The following ZNF462 variants were observed in gnomAD, a reference collection of about 807,000 sequenced individuals.
ZNF462 encodes zinc finger PBX1-interacting protein.
ZNF462 carries 10 observed loss-of-function variants against 201.9 expected under a neutral mutation model. The observed-to-expected ratio is 0.05, with a 90% CI of 0.03 to 0.08. The LOEUF (loss-of-function observed/expected upper bound fraction) is 0.08. ZNF462 is among the 10% of genes least tolerant of loss of function. The pLI is 1.00. For missense variants in ZNF462, 2,523 were observed against 3,168.3 expected (o/e 0.80, Z 4.89); for synonymous variants, 1,227 against 1,193.3 (o/e 1.03, Z -0.58).
In ZNF462 at chr9:106,925,619, G is replaced by A; in HGVS notation, c.1707G>A (p.Gln569=). Reference sequence around the variant, plus strand: ...AGCAGCCACAGCCACCACAGCTGCAGCCACCACATCAGGTGCCACCCCAGC... The same window carrying A: ...AGCAGCCACAGCCACCACAGCTGCAACCACCACATCAGGTGCCACCCCAGC... ...PLQQPQPPQL[Q]PPHQVPPQPQ... Residue 569 remains glutamine (Q), a synonymous_variant, in exon 3 of 13, where the codon CAG becomes CAA. Coordinates refer to ENST00000277225, the MANE Select transcript of ZNF462 (RefSeq NM_021224.6). This position sits in a 1 kb window ranked among gnomAD's most constrained non-coding sequence, Gnocchi z 7.9. 6.2e-7 allele frequency: 1 copy of A among 1,613,254 alleles called. No homozygotes were observed. The highest frequency in any genetic ancestry group is 1.7e-5 in the Admixed American group (1 of 59,952).
At chr9:106,994,997 T>C (rs932328797) in intron 10 of ZNF462, among the ~76,000 whole-genome samples, 1 of 152,188 alleles carries the variant, frequency 6.6e-6, no homozygotes, top group African/African-American at 2.4e-5. Flanking sequence ...AATCAACTTT[T>C]CAAATATGAA....
chr9:106,897,081 C>T lies in ZNF462; in HGVS notation c.-30-26273C>T, dbSNP rs183006915. Reference sequence around the variant, plus strand: ...CAAAAATTCCAACTTGTGAAACCCACATACTAATAAAAATCACACAAACAT... The same window carrying T: ...CAAAAATTCCAACTTGTGAAACCCATATACTAATAAAAATCACACAAACAT... On this transcript the variant is annotated intron_variant, in intron 1 of 12. Transcript: ENST00000277225. 3.9e-5 allele frequency among the ~76,000 whole-genome samples: 6 copies of T among 152,308 alleles called. No homozygotes were observed. The East Asian group carries it at 9.7e-4, about 25-fold the overall frequency.
rs1826708057 is a variant in ZNF462 at position 106,972,986 on chromosome 9, G to T, written c.6695+714G>T. ...GAGCCTGACTACCTGGGTGATTCTGGACAAGTCACTAAGACACTATCTGTG... is the reference window on the plus strand; with the variant it reads ...GAGCCTGACTACCTGGGTGATTCTGTACAAGTCACTAAGACACTATCTGTG... On this transcript the variant is annotated intron_variant, in intron 8 of 12. Coordinates refer to ENST00000277225, the MANE Select transcript of ZNF462 (RefSeq NM_021224.6). The surrounding 1 kb of genome is among the most constrained non-coding windows in gnomAD (Gnocchi z 4.8). Among the ~76,000 whole-genome samples the T allele has an allele frequency of 6.6e-6, 1 of 152,076 alleles. No homozygotes were observed. The highest frequency in any genetic ancestry group is 1.9e-4 in the East Asian group (1 of 5,182).
Position 106,876,518 on chromosome 9 carries a change from CTA to C in ZNF462, c.-31+13164_-31+13165del. 6.6e-6 allele frequency among the ~76,000 whole-genome samples: 1 copy of C among 152,330 alleles called. No homozygotes were observed. The highest frequency in any genetic ancestry group is 1.9e-4 in the East Asian group (1 of 5,178). On this transcript the variant is annotated intron_variant, in intron 1 of 12. Coordinates refer to ENST00000277225, the MANE Select transcript of ZNF462 (RefSeq NM_021224.6). This position sits in a 1 kb window ranked among gnomAD's most constrained non-coding sequence, Gnocchi z 4.9. ...CTTTGCTGCAGTTGTCCATTCCCAG[CTA>C]GACTTTATTACATCTTCAACTGATG...
chr9:106,961,017 A>T (rs186670022), intron 7 of ZNF462, among the ~76,000 whole-genome samples: 1 of 152,168 alleles, frequency 6.6e-6, no homozygotes, highest in East Asian at 1.9e-4. Context: ...ATAGTTCTAA[A>T]CACCTGAAGG....
At position 106,932,651 on chromosome 9, in the gene ZNF462, C is replaced by T; in HGVS notation, c.6116+102C>T. 1 of 1,439,914 alleles carries T rather than the reference C, an allele frequency of 6.9e-7. No individual in the cohort carries two copies. The highest frequency in any genetic ancestry group is 9.6e-7 in the Non-Finnish European group (1 of 1,044,504). 89.2% of individuals were successfully genotyped at this position (1,439,914 alleles called of 1,614,324 possible). A position where few individuals can be genotyped will look rare whatever the true frequency, so the allele number is the denominator to read the frequency against. ...CTTGGATGAGTAAGAAGGCCCCACTCATGGTTCACACCTGCTGCTATGTTA... is the reference window on the plus strand; with the variant it reads ...CTTGGATGAGTAAGAAGGCCCCACTTATGGTTCACACCTGCTGCTATGTTA... On this transcript the variant is annotated intron_variant, in intron 5 of 12. Transcript: ENST00000277225. The surrounding 1 kb of genome is among the most constrained non-coding windows in gnomAD (Gnocchi z 6.8).
rs1826888012 is a variant in ZNF462 at position 106,974,954 on chromosome 9, T to A, written c.6832+681T>A. 6.6e-6 allele frequency: 1 copy of A among 152,240 alleles called. No homozygotes were observed. Among genetic ancestry groups the A allele is most frequent in the Non-Finnish European group, 1.5e-5 (1 of 68,082 alleles). 9.4% of individuals were successfully genotyped at this position (152,240 alleles called of 1,614,324 possible). ...GGATGCATAATGACTGCTCAATAAA[T>A]GTTGGTTCCTGCTGATAAACAGTGA... On this transcript the variant is annotated intron_variant, in intron 9 of 12. Transcript: ENST00000277225. The surrounding 1 kb of genome is among the most constrained non-coding windows in gnomAD (Gnocchi z 4.0).
intron 1 of ZNF462, among the ~76,000 whole-genome samples, chr9:106,916,349 G>A (rs539595831): frequency 3.0e-4 from 46 of 152,342 alleles, no homozygotes; most frequent in African/African-American, 1.0e-3. Flanking sequence ...CTTTCATGAT[G>A]TGGAAGATGA....
chr9:106,951,229 G>A (rs2131774697), intron 7 of ZNF462, among the ~76,000 whole-genome samples: 1 of 152,192 alleles, frequency 6.6e-6, no homozygotes, highest in African/African-American at 2.4e-5. Context: ...TTAACAAAAA[G>A]GTACATAGTA....
rs762571662 is a variant in ZNF462 at position 106,974,313 on chromosome 9, G to C, written c.6832+40G>C. On this transcript the variant is annotated intron_variant, in intron 9 of 12. Transcript: ENST00000277225. The surrounding 1 kb of genome is among the most constrained non-coding windows in gnomAD (Gnocchi z 4.0). ...TTGGTTTTCTTGGATGCAGCGGGGG[G>C]CAGGCAGCAGAGATGGCCTTCTAGG... 1 of 1,613,832 alleles carries C rather than the reference G, an allele frequency of 6.2e-7. No individual in the cohort carries two copies. Among genetic ancestry groups the C allele is most frequent in the Admixed American group, 1.7e-5 (1 of 60,028 alleles).
chr9:106,967,127 T>G (rs945353776), intron 7 of ZNF462, among the ~76,000 whole-genome samples: 12 of 152,264 alleles, frequency 7.9e-5, no homozygotes, highest in South Asian at 6.2e-4. Flanking sequence ...TTTGTTCTCT[T>G]TGCCTCTTTT....
At chr9:106,922,269 G>A (rs1033717716) in intron 1 of ZNF462, among the ~76,000 whole-genome samples, 4 of 152,164 alleles carry the variant, frequency 2.6e-5, no homozygotes, top group Admixed American at 2.0e-4. Context: ...TAATAACAGG[G>A]TATCTCAACT....
chr9:106,968,854 T>C lies in ZNF462; in HGVS notation c.6428-3151T>C, dbSNP rs1381281682. ...AGTCTTAATGATGATTTTTAACTTATGTGACATGCCCTTCGCAGCTAACAA... is the reference window on the plus strand; with the variant it reads ...AGTCTTAATGATGATTTTTAACTTACGTGACATGCCCTTCGCAGCTAACAA... On this transcript the variant is annotated intron_variant, in intron 7 of 12. Transcript: ENST00000277225. This position sits in a 1 kb window ranked among gnomAD's most constrained non-coding sequence, Gnocchi z 4.0. Among the ~76,000 whole-genome samples the C allele has an allele frequency of 1.3e-5, 2 of 152,214 alleles. No individual in the cohort carries two copies. Among genetic ancestry groups the C allele is most frequent in the African/African-American group, 2.4e-5 (1 of 41,452 alleles).
chr9:106,891,680 A>G (rs546233169), intron 1 of ZNF462, among the ~76,000 whole-genome samples: 8 of 152,270 alleles, frequency 5.3e-5, no homozygotes, highest in South Asian at 2.1e-4. Flanking sequence ...CACTTTTGCA[A>G]GTTCTTCCCC....
Position 106,919,739 on chromosome 9 carries a change from C to T in ZNF462, c.-30-3615C>T, listed in dbSNP as rs948658754. Among the ~76,000 whole-genome samples the T allele has an allele frequency of 1.3e-5, 2 of 152,110 alleles. No individual in the cohort carries two copies. The highest frequency in any genetic ancestry group is 2.9e-5 in the Non-Finnish European group (2 of 68,004). ...TAGGAGGACCAGTCACATTAGGTGC[C>T]AGTTATTTTAGAATGAATCTGTGTT... On this transcript the variant is annotated intron_variant, in intron 1 of 12. Transcript: ENST00000277225. The surrounding 1 kb of genome is among the most constrained non-coding windows in gnomAD (Gnocchi z 4.5).
At chr9:106,873,117 T>G (rs1234899719) in intron 1 of ZNF462, among the ~76,000 whole-genome samples, 1 of 152,148 alleles carries the variant, frequency 6.6e-6, no homozygotes, top group Non-Finnish European at 1.5e-5. Flanking sequence ...TTCTTGATGG[T>G]TTATCTCTTC....
rs1826693469 is a variant in ZNF462 at position 106,972,754 on chromosome 9, T to A, written c.6695+482T>A. On this transcript the variant is annotated intron_variant, in intron 8 of 12. Transcript: ENST00000277225. The surrounding 1 kb of genome is among the most constrained non-coding windows in gnomAD (Gnocchi z 4.8). ...ACATAGAGAATCAAGACCCTGGCAC[T>A]TCCAACACTACACTTGAGCAATCAT... Among the ~76,000 whole-genome samples the A allele has an allele frequency of 6.6e-6, 1 of 152,190 alleles. No homozygotes were observed. Among genetic ancestry groups the A allele is most frequent in the South Asian group, 2.1e-4 (1 of 4,818 alleles).
rs1829906154 is a variant in ZNF462, at chr9:106,919,551, A to G, written c.-30-3803A>G. Among the ~76,000 whole-genome samples the G allele has an allele frequency of 6.6e-6, 1 of 152,168 alleles. No homozygotes were observed. Among genetic ancestry groups the G allele is most frequent in the African/African-American group, 2.4e-5 (1 of 41,434 alleles). Reference sequence around the variant, plus strand: ...GACATCATCTCTGGATGTTCTTTATATCTTAAAGAGTTTGTCAAACATAAA... The same window carrying G: ...GACATCATCTCTGGATGTTCTTTATGTCTTAAAGAGTTTGTCAAACATAAA... On this transcript the variant is annotated intron_variant, in intron 1 of 12. Coordinates refer to ENST00000277225, the MANE Select transcript of ZNF462 (RefSeq NM_021224.6). The surrounding 1 kb of genome is among the most constrained non-coding windows in gnomAD (Gnocchi z 4.5).
In ZNF462 at chr9:106,913,395, C is replaced by G. The variant is rs181395228; in HGVS notation, c.-30-9959C>G. 6.6e-6 allele frequency among the ~76,000 whole-genome samples: 1 copy of G among 152,264 alleles called. No homozygotes were observed. The highest frequency in any genetic ancestry group is 2.4e-5 in the African/African-American group (1 of 41,550). On this transcript the variant is annotated intron_variant, in intron 1 of 12. Coordinates refer to ENST00000277225, the MANE Select transcript of ZNF462 (RefSeq NM_021224.6). The surrounding 1 kb of genome is among the most constrained non-coding windows in gnomAD (Gnocchi z 4.1). ...AGCAGGCCTGCATACAGTTAGTACT[C>G]ATAGCACAAATCTCATCAGAGCCAG...
Sources: gnomAD v4.1 joint callset for allele counts (sites outside exome capture counted in the v4.1 genomes callset) on GRCh38, gnomAD v4.1.1 for gene constraint, Gnocchi (gnomAD v3.1) non-coding constraint, MANE v1.5 for transcripts, NCBI Gene and HGNC (gene_info 2026-07-23, HGNC 2026-07-21) for gene names.